TTLL9: variants seen among roughly 807,000 people sequenced by gnomAD.
TTLL9 encodes the protein probable tubulin polyglutamylase TTLL9.
Under a neutral mutation model 65.6 loss-of-function variants are expected in TTLL9, and 47 were observed. The observed-to-expected ratio is 0.72, with a 90% CI of 0.57 to 0.91. TTLL9 has a LOEUF of 0.91. Ranked by LOEUF, TTLL9 falls within the 40% of genes least tolerant of loss-of-function variation. The pLI is 0.00. For synonymous variants in TTLL9, 179 were observed against 204.8 expected, an observed-to-expected ratio of 0.87 and a Z score of 1.07; for missense variants, 537 against 568.8, an observed-to-expected ratio of 0.94 and a Z score of 0.57.
chr20:31,919,100 AAAGGACTCTTC>A (rs2123549692), intron 6 of TTLL9, among the ~76,000 whole-genome samples: 1 of 152,302 alleles, frequency 6.6e-6, no homozygotes, highest in East Asian at 1.9e-4. Flanking sequence ...GCAAATACCT[AAAGGACTCTTC>A]TGGCACCCAG....
intron 3 of TTLL9, among the ~76,000 whole-genome samples, chr20:31,894,976 A>G (rs2123452762): frequency 6.6e-6 from 1 of 152,238 alleles, no homozygotes; most frequent in African/African-American, 2.4e-5. Context: ...TTATTTTTAG[A>G]GACAGTGTCT....
At chr20:31,884,218 ATTATTTATTTAT>A (rs138716259) in intron 2 of TTLL9, 6 of 386,434 alleles carry the variant, frequency 1.6e-5, no homozygotes, top group Non-Finnish European at 2.8e-5. Flanking sequence ...CCTTATAGTT[ATTATTTATTTAT>A]TTATTTATTT....
chr20:31,911,170 G>A lies in TTLL9; in HGVS notation c.504+1248G>A, dbSNP rs149539954. 5.3e-3 allele frequency among the ~76,000 whole-genome samples: 802 copies of A among 151,348 alleles called. 8 individuals carry two copies. The highest frequency in any genetic ancestry group is 0.018 in the African/African-American group (739 of 41,244). Reference sequence around the variant, plus strand: ...AGCCTGGGTGAGAGAGTGAGACTCCGTCTCAAAAAAAAAAGAAAAAAGAAA... The same window carrying A: ...AGCCTGGGTGAGAGAGTGAGACTCCATCTCAAAAAAAAAAGAAAAAAGAAA... On this transcript the variant is annotated intron_variant, in intron 6 of 14. Transcript: ENST00000535842.
At chr20:31,926,277 G>A (rs2063905606) in intron 10 of TTLL9, among the ~76,000 whole-genome samples, 186 bp downstream of exon 10, 2 of 152,294 alleles carry the variant, frequency 1.3e-5, no homozygotes, top group Middle Eastern at 3.4e-3. Context: ...AGCCCCTTTG[G>A]AGAACATTTG....
chr20:31,915,889 C>T (rs764292176), intron 6 of TTLL9, among the ~76,000 whole-genome samples: 73 of 152,266 alleles, frequency 4.8e-4, no homozygotes, highest in African/African-American at 1.7e-3. Context: ...TTCCGGTTAT[C>T]TATTTCAGAG....
At chr20:31,925,079 A>G (rs2063877861) in intron 9 of TTLL9, 30 bp downstream of exon 9, 1 of 1,612,856 alleles carries the variant, frequency 6.2e-7, no homozygotes, top group Non-Finnish European at 8.5e-7. Context: ...GCCCTCCTCC[A>G]GCAGGGGTTA....
At chr20:31,912,394 T>A (rs2063668495) in intron 6 of TTLL9, among the ~76,000 whole-genome samples, 1 of 152,062 alleles carries the variant, frequency 6.6e-6, no homozygotes, top group Non-Finnish European at 1.5e-5. Context: ...ACACTTTGAG[T>A]ATCGAGATTG....
At chr20:31,905,135 A>G (rs1023519389) in intron 4 of TTLL9, among the ~76,000 whole-genome samples, 1 of 152,142 alleles carries the variant, frequency 6.6e-6, no homozygotes, top group Non-Finnish European at 1.5e-5. Flanking sequence ...CAGTGGCACA[A>G]TCTCGGCTCA....
intron 4 of TTLL9, among the ~76,000 whole-genome samples, chr20:31,906,353 A>T (rs2063559567): frequency 6.6e-6 from 1 of 152,064 alleles, no homozygotes; most frequent in Non-Finnish European, 1.5e-5. Context: ...GTCTGTGGGG[A>T]TCTCACTAGG....
intron 4 of TTLL9, 120 bp downstream of exon 4, chr20:31,898,685 C>T (rs2063424556): frequency 5.2e-6 from 4 of 762,600 alleles, no homozygotes; most frequent in Non-Finnish European, 8.7e-6. Flanking sequence ...GTGGCTGTGA[C>T]ATTTATTTAG....
chr20:31,897,402 G>A (rs1304275616), intron 3 of TTLL9, among the ~76,000 whole-genome samples: 1 of 152,204 alleles, frequency 6.6e-6, no homozygotes, highest in African/African-American at 2.4e-5. Flanking sequence ...TTGGGTAGTT[G>A]AGTCTTTCCT....
At chr20:31,872,513 C>CA (rs370298785) in intron 2 of TTLL9, among the ~76,000 whole-genome samples, 1,470 of 118,398 alleles carry the variant, frequency 0.012, 8 homozygotes, top group South Asian at 0.02. Flanking sequence ...CCTGCTTTTA[C>CA]AAAAAAAAAA....
At position 31,909,824 on chromosome 20, in the gene TTLL9, T is replaced by C. The variant is rs757086697; in HGVS notation, c.406T>C (p.Cys136Arg). 4 of 1,614,018 alleles carry C rather than the reference T, an allele frequency of 2.5e-6. No individual in the cohort carries two copies. The highest frequency in any genetic ancestry group is 3.4e-6 in the Non-Finnish European group (4 of 1,180,010). Residue 136 changes from cysteine to arginine, a missense_variant, in exon 6 of 15, where the codon TGT (cysteine) becomes CGT (arginine). Cys to Arg is a radical substitution (Grantham distance 180). Around this residue, in one of 3 missense-constraint regions of TTLL9, gnomAD observed 320 missense variants for 311.0 expected, o/e 1.03. Coordinates refer to ENST00000535842, the MANE Select transcript of TTLL9 (RefSeq NM_001008409.5). ...GGCAGGAAAGCTGGAGGCAGCCAAG[T>C]GTGACTTCTTCCCCAAAACCTTTGA... Reference protein sequence around the residue: ...REAGKLEAAKCDFFPKTFEMP... With the variant: ...REAGKLEAAKRDFFPKTFEMP...
chr20:31,907,588 G>T (rs2063576051), intron 4 of TTLL9, among the ~76,000 whole-genome samples: 1 of 152,082 alleles, frequency 6.6e-6, no homozygotes, highest in Non-Finnish European at 1.5e-5. Context: ...AGTTGCGGTG[G>T]TGGGCACCTG....
At chr20:31,899,317 A>C (rs1289740924) in intron 4 of TTLL9, among the ~76,000 whole-genome samples, 1 of 152,194 alleles carries the variant, frequency 6.6e-6, no homozygotes, top group African/African-American at 2.4e-5. Flanking sequence ...TCCAAACAGC[A>C]GGAGGTAGGC....
Position 31,923,024 on chromosome 20 carries a change from G to A in TTLL9, c.635G>A (p.Arg212His), listed in dbSNP as rs376250863. ...DIPVENYVAQ[R>H]YIENPYLIGG... is the part of the protein sequence containing the mutation. ...CCCGTGGAGAACTATGTGGCTCAGC[G>A]TTACATTGAAAATCCTTACCTGATA... Residue 212 changes from arginine to histidine, a missense_variant, in exon 8 of 15, where the codon CGT (arginine) becomes CAT (histidine). Around this residue, in one of 3 missense-constraint regions of TTLL9, gnomAD observed 320 missense variants for 311.0 expected, o/e 1.03. Transcript: ENST00000535842. 2.0e-5 allele frequency: 32 copies of A among 1,613,906 alleles called. No homozygotes were observed. Among genetic ancestry groups the A allele is most frequent in the Middle Eastern group, 1.6e-4 (1 of 6,084 alleles).
At chr20:31,897,003 T>A (rs938830582) in intron 3 of TTLL9, among the ~76,000 whole-genome samples, 1 of 152,254 alleles carries the variant, frequency 6.6e-6, no homozygotes, top group Non-Finnish European at 1.5e-5. Flanking sequence ...TCTTGTGTAC[T>A]GTCTTTGGTT....
chr20:31,914,239 G>A (rs2063698729), intron 6 of TTLL9, among the ~76,000 whole-genome samples: 2 of 152,168 alleles, frequency 1.3e-5, no homozygotes, highest in Admixed American at 1.3e-4. Context: ...GTAAATAATA[G>A]AAAATCCAAA....
chr20:31,912,578 A>AGT (rs377486981), intron 6 of TTLL9, among the ~76,000 whole-genome samples: 5 of 145,592 alleles, frequency 3.4e-5, no homozygotes, highest in Non-Finnish European at 7.6e-5. Flanking sequence ...GGAAAGCATT[A>AGT]GTGTGTGTGT....
Sources: allele counts gnomAD v4.1 joint callset (sites outside exome capture counted in the v4.1 genomes callset), GRCh38; gene constraint gnomAD v4.1.1; regional missense constraint gnomAD v4.1.1; transcripts MANE v1.5; gene names NCBI Gene and HGNC (gene_info 2026-07-23, HGNC 2026-07-21).